NRXN3: variants seen among roughly 807,000 people sequenced by gnomAD.
NRXN3 encodes neurexin 3.
NRXN3 carries 32 observed loss-of-function variants against 137.6 expected under a neutral mutation model. That is an observed-to-expected ratio of 0.23 (90% CI 0.18 to 0.31). The LOEUF is 0.31. Among genes scored for constraint, NRXN3 ranks in the 10% least tolerant of loss-of-function variants. The pLI is 1.00. For synonymous variants in NRXN3, 798 were observed against 784.5 expected, an observed-to-expected ratio of 1.02 and a Z score of -0.29; for missense variants, 1,574 against 2,062.5, an observed-to-expected ratio of 0.76 and a Z score of 4.59.
At chr14:78,837,977 T>A (rs1006777835) in intron 10 of NRXN3, among the ~76,000 whole-genome samples, 1 of 152,208 alleles carries the variant, frequency 6.6e-6, no homozygotes, top group East Asian at 1.9e-4. Flanking sequence ...CTGAGCCATA[T>A]TAGATAACAA....
chr14:79,112,056 A>C (rs1163461302), intron 15 of NRXN3, among the ~76,000 whole-genome samples: 1 of 152,212 alleles, frequency 6.6e-6, no homozygotes, highest in Admixed American at 6.5e-5. Flanking sequence ...AATATAGTCC[A>C]CTTCTGAGTA....
chr14:78,781,065 A>G (rs1446497711), intron 8 of NRXN3, among the ~76,000 whole-genome samples: 1 of 152,210 alleles, frequency 6.6e-6, no homozygotes, highest in African/African-American at 2.4e-5. Context: ...TCTCTATATA[A>G]TATAATAACA....
chr14:79,723,350 C>T (rs1264721874), intron 19 of NRXN3, among the ~76,000 whole-genome samples: 2 of 152,120 alleles, frequency 1.3e-5, no homozygotes, highest in African/African-American at 2.4e-5. Flanking sequence ...CACTCCATTT[C>T]CCTCTCTGGT....
chr14:78,488,089 A>G (rs561103504), intron 4 of NRXN3, among the ~76,000 whole-genome samples: 1 of 152,272 alleles, frequency 6.6e-6, no homozygotes, highest in Non-Finnish European at 1.5e-5. Context: ...ACAGATGGCC[A>G]TCTTTTTCCT....
intron 10 of NRXN3, among the ~76,000 whole-genome samples, chr14:78,855,834 C>T (rs2099055608): frequency 6.6e-6 from 1 of 152,144 alleles, no homozygotes; most frequent in Non-Finnish European, 1.5e-5. Context: ...TACTGACATT[C>T]TGCAGAACTT....
intron 15 of NRXN3, among the ~76,000 whole-genome samples, chr14:79,378,236 TCTC>T (rs1013379859): frequency 5.3e-5 from 8 of 152,174 alleles, no homozygotes; most frequent in African/African-American, 1.9e-4. Flanking sequence ...GGGCAAGTGT[TCTC>T]CTGAGAAAAT....
At chr14:78,825,256 C>T (rs2098963452) in intron 10 of NRXN3, among the ~76,000 whole-genome samples, 1 of 148,514 alleles carries the variant, frequency 6.7e-6, no homozygotes, top group Non-Finnish European at 1.5e-5. Context: ...TTCCTGTATT[C>T]TTTTTATAGG....
At chr14:79,334,148 T>G (rs1365656384) in intron 15 of NRXN3, among the ~76,000 whole-genome samples, 1 of 152,200 alleles carries the variant, frequency 6.6e-6, no homozygotes, top group Non-Finnish European at 1.5e-5. Flanking sequence ...AATATAAACT[T>G]CTTGCCTTTA....
chr14:79,647,439 A>G (rs910919040), intron 16 of NRXN3, among the ~76,000 whole-genome samples: 1 of 136,038 alleles, frequency 7.4e-6, no homozygotes, highest in African/African-American at 2.4e-5. Flanking sequence ...GCATTTTATT[A>G]TCATTATCTT....
intron 4 of NRXN3, among the ~76,000 whole-genome samples, chr14:78,355,899 A>G (rs913020452): frequency 2.6e-5 from 4 of 152,250 alleles, no homozygotes; most frequent in African/African-American, 9.6e-5. Context: ...TGCTTCCAGC[A>G]CTAGGCAACA....
intron 4 of NRXN3, among the ~76,000 whole-genome samples, chr14:78,336,095 A>G (rs1297787340): frequency 6.6e-6 from 1 of 152,056 alleles, no homozygotes; most frequent in Non-Finnish European, 1.5e-5. Context: ...CCCCACCCCC[A>G]TAGAGTATGA....
At chr14:79,256,021 A>C (rs1347943075) in intron 15 of NRXN3, among the ~76,000 whole-genome samples, 1 of 152,194 alleles carries the variant, frequency 6.6e-6, no homozygotes, top group African/African-American at 2.4e-5. Flanking sequence ...ACAACACTTC[A>C]TCTCAGGATT....
intron 4 of NRXN3, among the ~76,000 whole-genome samples, chr14:78,500,911 A>T (rs2095866562): frequency 6.6e-6 from 1 of 152,150 alleles, no homozygotes. Context: ...CTCAAACGTT[A>T]TTCTCCAAAT....
intron 1 of NRXN3, among the ~76,000 whole-genome samples, chr14:78,226,704 TGA>T (rs1424680304): frequency 6.6e-6 from 1 of 152,214 alleles, no homozygotes; most frequent in African/African-American, 2.4e-5. Context: ...AATAATTTTT[TGA>T]GTCTTGGGTT....
At chr14:78,913,135 T>C (rs1015789986) in intron 10 of NRXN3, among the ~76,000 whole-genome samples, 1 of 152,084 alleles carries the variant, frequency 6.6e-6, no homozygotes, top group Non-Finnish European at 1.5e-5. Context: ...TAAAGACAAG[T>C]ACAGGTCGGA....
Position 78,811,510 on chromosome 14 carries a change from C to T in NRXN3, c.2275+1166C>T, listed in dbSNP as rs550368456. Among the ~76,000 whole-genome samples the T allele has an allele frequency of 4.6e-5, 7 of 152,266 alleles. No individual in the cohort carries two copies. The East Asian group carries it at 9.7e-4, about 21-fold the overall frequency. ...TGCAAAGGAAGCTGGGAAATGTAGT[C>T]GGCTAGTGCACCCAGGAGAAGAAAA... On this transcript the variant is annotated intron_variant, in intron 10 of 20. Transcript: ENST00000335750.
rs148883046 is a variant in NRXN3, at chr14:78,574,762, T to C, written c.758-70358T>C. Among the ~76,000 whole-genome samples, 112 of 152,356 alleles carry C rather than the reference T, an allele frequency of 7.4e-4. 1 individual carries two copies. In the East Asian group the frequency reaches 0.02, roughly 27 times the overall value. ...CTTTGGACTTCAAATTTTGAGTTAA[T>C]GCTGGAATGAGTTAAGACTTTGGAG... On this transcript the variant is annotated intron_variant, in intron 4 of 20. Coordinates refer to ENST00000335750, the MANE Select transcript of NRXN3 (RefSeq NM_001330195.2).
At chr14:78,249,506 G>A (rs2068248180) in intron 2 of NRXN3, among the ~76,000 whole-genome samples, 1 of 152,090 alleles carries the variant, frequency 6.6e-6, no homozygotes. Flanking sequence ...TGTGTTGCAG[G>A]CTGCACTTGG....
intron 15 of NRXN3, among the ~76,000 whole-genome samples, chr14:79,213,690 T>C (rs1408966317): frequency 6.6e-6 from 1 of 151,756 alleles, no homozygotes; most frequent in African/African-American, 2.4e-5. Context: ...AAAACGAGGA[T>C]TTATTTGCCT....
Sources: allele counts gnomAD v4.1 joint callset (sites outside exome capture counted in the v4.1 genomes callset), GRCh38; gene constraint gnomAD v4.1.1; transcripts MANE v1.5; gene names NCBI Gene and HGNC (gene_info 2026-07-23, HGNC 2026-07-21).